The following KLRC1 variants were observed in gnomAD, a reference collection of about 807,000 sequenced individuals.
The protein encoded by KLRC1 is killer cell lectin like receptor C1, also known as NKG2-A/NKG2-B type II integral membrane protein.
KLRC1 carries 22 observed loss-of-function variants against 25.9 expected under a neutral mutation model. The observed-to-expected ratio is 0.85, with a 90% CI of 0.61 to 1.21. The LOEUF is 1.21. Ranked by LOEUF, KLRC1 falls within the 50% of genes most tolerant of loss-of-function variation. KLRC1 has a pLI of 0.00. For synonymous variants in KLRC1, 77 were observed against 93.1 expected (o/e 0.83, Z 0.99); for missense variants, 240 against 272.2 (o/e 0.88, Z 0.83).
chr12:10,448,947 T>C (rs886944992), intron 5 of KLRC1, among the ~76,000 whole-genome samples: 1 of 152,218 alleles, frequency 6.6e-6, no homozygotes, highest in African/African-American at 2.4e-5. Flanking sequence ...GTGATCAATC[T>C]GCATGACCAG....
Position 10,446,410 on chromosome 12 carries a change from T to G in KLRC1, c.*141A>C. The G allele has an allele frequency of 7.0e-7, 1 of 1,435,126 alleles. No individual in the cohort carries two copies. The highest frequency in any genetic ancestry group is 1.4e-5 in the African/African-American group (1 of 69,480). The allele number at this position is 1,435,126 out of a possible 1,614,324, so 88.9% of individuals were successfully genotyped here. On this transcript the variant is annotated 3_prime_UTR_variant, in exon 7 of 7. Coordinates refer to ENST00000359151, the MANE Select transcript of KLRC1 (RefSeq NM_002259.5). The stretch of plus-strand genomic sequence containing the variant: ...GTCTGTACTTTAGTAATTGTGTGTA[T>G]CCTGTTTCAATAATTGATTTAGAAT...
Position 10,450,479 on chromosome 12 carries a change from C to T in KLRC1, c.283+5G>A. On this transcript the variant is annotated splice_donor_5th_base_variant and intron_variant, in intron 3 of 6. Transcript: ENST00000359151. ...TCCCCTTGTAATCTTCGAAAATAGA[C>T]TTACAGGGAATAACAACTATCGTTA... The T allele has an allele frequency of 2.0e-6, 3 of 1,532,920 alleles. No homozygotes were observed. The highest frequency in any genetic ancestry group is 2.7e-6 in the Non-Finnish European group (3 of 1,109,148). The allele number at this position is 1,532,920 out of a possible 1,614,324, so 95.0% of individuals were successfully genotyped here.
At chr12:10,445,018 G>A (rs911864020), downstream of KLRC1, among the ~76,000 whole-genome samples, 10 of 145,600 alleles carry the variant, frequency 6.9e-5, no homozygotes, top group Admixed American at 5.1e-4. Context: ...CCCCTGGTTT[G>A]AAGTGATTCT....
intron 6 of KLRC1, 31 bp downstream of exon 6, chr12:10,447,500 AT>A: frequency 1.4e-6 from 2 of 1,450,388 alleles, no homozygotes; most frequent in Non-Finnish European, 1.9e-6. Flanking sequence ...TTATATATAT[AT>A]TGTTATATAG....
rs1591614908 is a variant in KLRC1, at chr12:10,449,210, A to G, written c.489+27T>C. On this transcript the variant is annotated intron_variant, in intron 5 of 6. Transcript: ENST00000359151. ...TTATCGACCGAAAGAAGCTTTTCAT[A>G]AAGTGTTTAAAACATTTACATCTTA... The G allele has an allele frequency of 6.2e-6, 10 of 1,612,992 alleles. No homozygotes were observed. The East Asian group carries it at 1.8e-4, about 29-fold the overall frequency.
downstream of KLRC1, among the ~76,000 whole-genome samples, chr12:10,443,130 T>A (rs948965816): frequency 2.1e-5 from 3 of 140,698 alleles, no homozygotes; most frequent in East Asian, 4.2e-4. Flanking sequence ...TTAATTGTAC[T>A]TTTAAAAATA....
Position 10,453,224 on chromosome 12 carries a change from C to T in KLRC1, c.-58G>A. The T allele has an allele frequency of 1.0e-6, 1 of 985,308 alleles. No individual in the cohort carries two copies. The highest frequency in any genetic ancestry group is 1.2e-6 in the Non-Finnish European group (1 of 829,900). 61.0% of individuals were successfully genotyped at this position (985,308 alleles called of 1,614,324 possible). A position where few individuals can be genotyped will look rare whatever the true frequency, so the allele number is the denominator to read the frequency against. ...TTCTGTCCCCAGAAAGTCACACATC[C>T]TTTAGTGGAGAGGCCAGGTTAGTCT... On this transcript the variant is annotated 5_prime_UTR_variant, in exon 1 of 7. Coordinates refer to ENST00000359151, the MANE Select transcript of KLRC1 (RefSeq NM_002259.5).
downstream of KLRC1, among the ~76,000 whole-genome samples, chr12:10,444,252 A>G (rs535892504): frequency 7.5e-4 from 108 of 143,346 alleles, 17 homozygotes; most frequent in Admixed American, 1.2e-3. Context: ...TAATGAATAA[A>G]CAGTAAAAAA....
chr12:10,443,129 C>A (rs1240389633), downstream of KLRC1, among the ~76,000 whole-genome samples: 4 of 140,244 alleles, frequency 2.9e-5, 1 homozygote, highest in South Asian at 6.6e-4. Flanking sequence ...TTTAATTGTA[C>A]TTTTAAAAAT....
At chr12:10,452,005 T>G (rs1003814055) in intron 1 of KLRC1, among the ~76,000 whole-genome samples, 24 of 151,786 alleles carry the variant, frequency 1.6e-4, no homozygotes, top group Non-Finnish European at 2.9e-4. Context: ...TCTTAATGGC[T>G]GAAATGTTCT....
rs766311745 is a variant in KLRC1 at position 10,449,252 on chromosome 12, A to T, written c.474T>A (p.Asp158Glu). 14 of 1,613,906 alleles carry T rather than the reference A, an allele frequency of 8.7e-6. No homozygotes were observed. The South Asian group carries it at 1.4e-4, about 16-fold the overall frequency. The stretch of plus-strand genomic sequence containing the variant: ...TACATCTTACCATTTCTTCTTCATT[A>T]TCTATAGAAAGCAGACTGGAGTTCT... ...TSKNSSLLSIDNEEEMKFLSI... is the reference protein window; with the variant it reads ...TSKNSSLLSIENEEEMKFLSI... Residue 158 changes from aspartate (D) to glutamate (E), a missense_variant, in exon 5 of 7, where the codon GAT becomes GAA. By Grantham distance (45) the Asp-to-Glu change is conservative. Coordinates refer to ENST00000359151, the MANE Select transcript of KLRC1 (RefSeq NM_002259.5).
At chr12:10,450,607 G>T (rs763462734) in intron 2 of KLRC1, 28 bp from the exon 3 acceptor site, 8 of 1,354,488 alleles carry the variant, frequency 5.9e-6, no homozygotes, top group Non-Finnish European at 8.5e-6. Flanking sequence ...GGAACAGTGC[G>T]AAAGGAGAGG....
rs745712014 is a variant in KLRC1, at chr12:10,449,952, C to T, written c.299G>A (p.Arg100Lys). Residue 100 changes from arginine to lysine, a missense_variant, in exon 4 of 7, where the codon AGG (arginine) becomes AAG (lysine). Coordinates refer to ENST00000359151, the MANE Select transcript of KLRC1 (RefSeq NM_002259.5). ...TGTATTCAGGGAAGAATTGTTGTGC[C>T]TCTGTATTAATGTAGCTAGAAAAAT... ...IVVIPSTLIQ[R>K]HNNSSLNTRT... is the part of the protein sequence containing the mutation. 10 of 1,488,000 alleles carry T rather than the reference C, an allele frequency of 6.7e-6. No homozygotes were observed. In the Admixed American group the frequency reaches 2.4e-4, roughly 36 times the overall value. The allele number at this position is 1,488,000 out of a possible 1,614,324, so 92.2% of individuals were successfully genotyped here. A position where few individuals can be genotyped will look rare whatever the true frequency, so the allele number is the denominator to read the frequency against.
chr12:10,445,457 C>G (rs1456959391), downstream of KLRC1, among the ~76,000 whole-genome samples: 3 of 151,908 alleles, frequency 2.0e-5, no homozygotes, highest in East Asian at 3.9e-4. Flanking sequence ...CAACACCAAG[C>G]TTTGTAAATA....
At chr12:10,451,566 G>A (rs1864126800) in intron 1 of KLRC1, among the ~76,000 whole-genome samples, 1 of 151,952 alleles carries the variant, frequency 6.6e-6, no homozygotes, top group African/African-American at 2.4e-5. Context: ...TGAGGCAGGA[G>A]AATCTCTTGA....
upstream of KLRC1, chr12:10,454,542 G>T: frequency 4.3e-6 from 4 of 930,670 alleles, no homozygotes; most frequent in Non-Finnish European, 5.1e-6. Flanking sequence ...ACTAGTGTCA[G>T]CCACAACTTG....
intron 2 of KLRC1, 147 bp downstream of exon 2, chr12:10,450,823 C>T (rs1288328767): frequency 7.3e-6 from 5 of 686,398 alleles, no homozygotes; most frequent in Non-Finnish European, 1.3e-5. Context: ...AGTCTTCATA[C>T]TTTACATTGA....
At chr12:10,445,331 T>C (rs74062015), downstream of KLRC1, among the ~76,000 whole-genome samples, 10,269 of 152,166 alleles carry the variant, frequency 0.067, 703 homozygotes, top group South Asian at 0.25. Flanking sequence ...GTTATATAAA[T>C]ACAACATATA....
intron 1 of KLRC1, 62 bp from the exon 2 acceptor site, chr12:10,451,249 T>A: frequency 1.0e-6 from 1 of 962,832 alleles, no homozygotes; most frequent in Non-Finnish European, 1.4e-6. Flanking sequence ...CTAGTGCAAT[T>A]AAAAGGGTGA....
Sources: gnomAD v4.1 joint callset for allele counts (sites outside exome capture counted in the v4.1 genomes callset) on GRCh38, gnomAD v4.1.1 for gene constraint, MANE v1.5 for transcripts, NCBI Gene and HGNC (gene_info 2026-07-23, HGNC 2026-07-21) for gene names.